Variants in PRKN observed in about 807,000 individuals in gnomAD.
The protein encoded by PRKN is parkin RBR E3 ubiquitin protein ligase, also known as E3 ubiquitin-protein ligase parkin.
Under a neutral mutation model 59.5 loss-of-function variants are expected in PRKN, and 56 were observed. The observed-to-expected ratio is 0.94, with a 90% CI of 0.76 to 1.18. PRKN has a LOEUF of 1.18. Among genes scored for constraint, PRKN ranks in the 50% most tolerant of loss-of-function variants. The probability of loss-of-function intolerance (pLI) is 0.00; values close to 1 mark genes in which losing one functional copy is unlikely to be tolerated. For synonymous variants in PRKN, 250 were observed against 222.1 expected (o/e 1.13, Z -1.12); for missense variants, 657 against 596.4 (o/e 1.10, Z -1.06).
intron 5 of PRKN, among the ~76,000 whole-genome samples, chr6:162,050,456 C>T (rs1777584633): frequency 8.0e-6 from 1 of 124,998 alleles, no homozygotes; most frequent in Non-Finnish European, 1.6e-5. Context: ...TCCCATTTTC[C>T]TATATTTCAC....
intron 2 of PRKN, among the ~76,000 whole-genome samples, chr6:162,438,227 T>C (rs1464487845): frequency 6.6e-6 from 1 of 152,222 alleles, no homozygotes; most frequent in Non-Finnish European, 1.5e-5. Context: ...TTTCCTTGCA[T>C]CTGTGTTTAT....
chr6:162,332,831 A>G (rs1583395144), intron 2 of PRKN, among the ~76,000 whole-genome samples: 1 of 151,944 alleles, frequency 6.6e-6, no homozygotes, highest in African/African-American at 2.4e-5. Flanking sequence ...CAATAGCACC[A>G]CCACCAACAC....
intron 6 of PRKN, among the ~76,000 whole-genome samples, chr6:161,944,757 C>T (rs1010349747): frequency 6.6e-6 from 1 of 152,196 alleles, no homozygotes. Flanking sequence ...AACACACTGT[C>T]ACAGAATTGA....
At chr6:162,177,418 T>C (rs1269970488) in intron 4 of PRKN, among the ~76,000 whole-genome samples, 2 of 152,212 alleles carry the variant, frequency 1.3e-5, no homozygotes, top group Non-Finnish European at 2.9e-5. Context: ...TCACCTTTTT[T>C]ATATTGGTTA....
At position 161,578,366 on chromosome 6, in the gene PRKN, C is replaced by G. The variant is rs1883875; in HGVS notation, c.872-8950G>C. On this transcript the variant is annotated intron_variant, in intron 7 of 11. Coordinates refer to ENST00000366898, the MANE Select transcript of PRKN (RefSeq NM_004562.3). This position sits in a 1 kb window ranked among gnomAD's most constrained non-coding sequence, Gnocchi z 4.2. ...CAATAAATAACTTCACTGTTTGCTTCAAGAAACTCCTGCAAATAATTTAAC... is the reference window on the plus strand; with the variant it reads ...CAATAAATAACTTCACTGTTTGCTTGAAGAAACTCCTGCAAATAATTTAAC... Among the ~76,000 whole-genome samples, 80,224 of 152,000 alleles carry G rather than the reference C, an allele frequency of 0.53. 22,057 individuals carry two copies. Among genetic ancestry groups the G allele is most frequent in the East Asian group, 0.69 (3,595 of 5,174 alleles).
intron 7 of PRKN, among the ~76,000 whole-genome samples, chr6:161,782,745 T>G (rs1583158802): frequency 6.6e-6 from 1 of 151,820 alleles, no homozygotes; most frequent in East Asian, 1.9e-4. Context: ...AATACAAAAA[T>G]TAGCAGGGCA....
chr6:162,278,239 A>T (rs1320699303), intron 2 of PRKN, among the ~76,000 whole-genome samples: 1 of 152,224 alleles, frequency 6.6e-6, no homozygotes, highest in Non-Finnish European at 1.5e-5. Flanking sequence ...GGAAAAAGGC[A>T]ACACTATAGA....
chr6:162,347,523 T>G (rs1000910875), intron 2 of PRKN, among the ~76,000 whole-genome samples: 1 of 152,096 alleles, frequency 6.6e-6, no homozygotes, highest in Admixed American at 6.6e-5. Context: ...ATCTTTGGCT[T>G]TGATGATTCT....
chr6:162,610,113 T>C (rs908064280), intron 1 of PRKN, among the ~76,000 whole-genome samples: 59 of 152,194 alleles, frequency 3.9e-4, no homozygotes, highest in African/African-American at 1.4e-3. Flanking sequence ...TAGCATGTAC[T>C]CTGTCAGGTA....
At chr6:162,408,222 C>G (rs1381483483) in intron 2 of PRKN, among the ~76,000 whole-genome samples, 3 of 151,790 alleles carry the variant, frequency 2.0e-5, no homozygotes, top group African/African-American at 7.3e-5. Flanking sequence ...GGGGTACTTA[C>G]ATAAAGTTGC....
chr6:162,301,579 T>G (rs927576421), intron 2 of PRKN, among the ~76,000 whole-genome samples: 1 of 151,940 alleles, frequency 6.6e-6, no homozygotes. Flanking sequence ...CAGATATCCA[T>G]TGTCTTGCTG....
intron 4 of PRKN, among the ~76,000 whole-genome samples, chr6:162,090,395 A>G (rs1779435810): frequency 6.6e-6 from 1 of 152,154 alleles, no homozygotes; most frequent in Non-Finnish European, 1.5e-5. Flanking sequence ...CATGCCCTAC[A>G]TTTTCCTAGT....
intron 3 of PRKN, among the ~76,000 whole-genome samples, chr6:162,243,834 T>A (rs985036613): frequency 2.0e-5 from 3 of 152,140 alleles, no homozygotes; most frequent in Admixed American, 6.6e-5. Flanking sequence ...TTTGTTTCCA[T>A]CTTTTCAAGA....
intron 2 of PRKN, among the ~76,000 whole-genome samples, chr6:162,343,171 T>C (rs1284981392): frequency 2.0e-5 from 3 of 152,248 alleles, no homozygotes; most frequent in Non-Finnish European, 4.4e-5. Flanking sequence ...ATTAGTATGC[T>C]TTATTCCTGA....
chr6:162,510,993 T>G (rs1207467873), intron 1 of PRKN, among the ~76,000 whole-genome samples: 1 of 152,008 alleles, frequency 6.6e-6, no homozygotes, highest in African/African-American at 2.4e-5. Context: ...ACAATAAAAT[T>G]TTCCTACATT....
intron 3 of PRKN, among the ~76,000 whole-genome samples, chr6:162,255,071 TC>T (rs1311372778): frequency 1.5e-5 from 2 of 130,216 alleles, no homozygotes; most frequent in African/African-American, 6.0e-5. Context: ...ACAAAGAGAT[TC>T]ATACAAAAAT....
intron 7 of PRKN, among the ~76,000 whole-genome samples, chr6:161,665,520 A>G (rs1328593002): frequency 6.6e-6 from 1 of 152,206 alleles, no homozygotes; most frequent in Admixed American, 6.5e-5. Flanking sequence ...TGATTTCTTA[A>G]TACTATCATC....
At chr6:161,844,565 G>A (rs952327490) in intron 6 of PRKN, among the ~76,000 whole-genome samples, 1 of 152,198 alleles carries the variant, frequency 6.6e-6, no homozygotes, top group Non-Finnish European at 1.5e-5. Context: ...CACAACTGAG[G>A]AACTGAGTTT....
intron 1 of PRKN, among the ~76,000 whole-genome samples, chr6:162,693,324 T>C: frequency 6.6e-6 from 1 of 152,302 alleles, no homozygotes; most frequent in East Asian, 1.9e-4. Flanking sequence ...TCAGTAGAGA[T>C]GGGATCGTGA....
Sources: gnomAD v4.1 joint callset for allele counts (sites outside exome capture counted in the v4.1 genomes callset) on GRCh38, gnomAD v4.1.1 for gene constraint, Gnocchi (gnomAD v3.1) non-coding constraint, MANE v1.5 for transcripts, NCBI Gene and HGNC (gene_info 2026-07-23, HGNC 2026-07-21) for gene names.